Variants in PPFIA2 observed in about 807,000 individuals in gnomAD.
PPFIA2 encodes the protein PPFI scaffold protein A2, also known as liprin-alpha-2.
Under a neutral mutation model 175.5 loss-of-function variants are expected in PPFIA2, and 46 were observed. The ratio of observed to expected loss-of-function variants is 0.26; its 90% CI spans 0.21 to 0.34. PPFIA2 has a LOEUF of 0.34. Ranked by LOEUF, PPFIA2 falls within the 10% of genes least tolerant of loss-of-function variation. The pLI, the probability that PPFIA2 is intolerant of heterozygous loss-of-function variation, is 1.00. For missense variants in PPFIA2, 1,179 were observed against 1,506.1 expected, an observed-to-expected ratio of 0.78 and a Z score of 3.60; for synonymous variants, 568 against 511.4, an observed-to-expected ratio of 1.11 and a Z score of -1.49.
intron 28 of PPFIA2, among the ~76,000 whole-genome samples, chr12:81,276,709 AGT>A (rs1220742360): frequency 6.6e-6 from 1 of 152,164 alleles, no homozygotes; most frequent in Non-Finnish European, 1.5e-5. Flanking sequence ...TGCAATATGG[AGT>A]GTCTTTTCTT....
intron 29 of PPFIA2, chr12:81,267,296 G>T (rs758659818): frequency 6.3e-6 from 3 of 474,018 alleles, no homozygotes; most frequent in African/African-American, 2.0e-5. Context: ...TTTCAATTGA[G>T]TATTTTGTTT....
intron 15 of PPFIA2, 72 bp from the exon 16 acceptor site, chr12:81,358,289 T>C (rs2061145084): frequency 1.5e-6 from 2 of 1,367,852 alleles, no homozygotes; most frequent in Non-Finnish European, 2.0e-6. Context: ...CTATCTGCTG[T>C]TTTACTGGCA....
At chr12:81,275,158 T>C (rs1734998529) in intron 28 of PPFIA2, among the ~76,000 whole-genome samples, 1 of 152,214 alleles carries the variant, frequency 6.6e-6, no homozygotes, top group East Asian at 1.9e-4. Context: ...CCATCTTTGG[T>C]CCATTAATTC....
chr12:81,451,894 A>G (rs185339266), intron 5 of PPFIA2, among the ~76,000 whole-genome samples: 105 of 152,324 alleles, frequency 6.9e-4, no homozygotes, highest in Non-Finnish European at 1.2e-3. Flanking sequence ...AGATACCATT[A>G]ACAATCTACT....
intron 7 of PPFIA2, among the ~76,000 whole-genome samples, chr12:81,416,454 A>G (rs1442754278): frequency 6.6e-6 from 1 of 151,636 alleles, no homozygotes; most frequent in African/African-American, 2.4e-5. Context: ...AATTGCGTTA[A>G]AAGTTTTGAA....
At chr12:81,441,122 ATAGAT>A (rs2050103463) in intron 6 of PPFIA2, among the ~76,000 whole-genome samples, 1 of 151,650 alleles carries the variant, frequency 6.6e-6, no homozygotes, top group Admixed American at 6.6e-5. Flanking sequence ...AACTGGGAAT[ATAGAT>A]TAAATTTATA....
chr12:81,313,603 C>T (rs149605797), intron 22 of PPFIA2, among the ~76,000 whole-genome samples: 61 of 152,158 alleles, frequency 4.0e-4, no homozygotes, highest in African/African-American at 1.4e-3. Context: ...ATCATACACC[C>T]CACAGAAATG....
chr12:81,585,758 C>A (rs1219640164), intron 4 of PPFIA2, among the ~76,000 whole-genome samples: 1 of 151,774 alleles, frequency 6.6e-6, no homozygotes, highest in Non-Finnish European at 1.5e-5. Flanking sequence ...GAAGTACACT[C>A]CAAAATATCA....
chr12:81,587,560 G>C (rs1053881396), intron 4 of PPFIA2, among the ~76,000 whole-genome samples: 1 of 151,808 alleles, frequency 6.6e-6, no homozygotes, highest in Admixed American at 6.6e-5. Context: ...AATAATTCTT[G>C]TTATTTGTAA....
intron 4 of PPFIA2, among the ~76,000 whole-genome samples, chr12:81,538,363 C>T (rs1033315055): frequency 6.6e-5 from 10 of 151,786 alleles, no homozygotes; most frequent in Non-Finnish European, 8.8e-5. Flanking sequence ...AGACAGTATT[C>T]TTAATACATG....
At chr12:81,452,992 TTTTTA>T (rs1320030610) in intron 5 of PPFIA2, among the ~76,000 whole-genome samples, 2 of 146,460 alleles carry the variant, frequency 1.4e-5, no homozygotes, top group Non-Finnish European at 3.0e-5. Flanking sequence ...TTTTTCTTTT[TTTTTA>T]ATTTTTTTTT....
intron 4 of PPFIA2, among the ~76,000 whole-genome samples, chr12:81,507,980 A>T (rs573126180): frequency 6.6e-4 from 100 of 152,264 alleles, no homozygotes; most frequent in African/African-American, 2.2e-3. Flanking sequence ...TTAGTATTAG[A>T]CATTTAAAAA....
intron 4 of PPFIA2, among the ~76,000 whole-genome samples, chr12:81,608,484 C>A (rs897480126): frequency 6.6e-6 from 1 of 152,002 alleles, no homozygotes; most frequent in Non-Finnish European, 1.5e-5. Context: ...TGTTATGGGT[C>A]TTTTCAGGGT....
intron 3 of PPFIA2, among the ~76,000 whole-genome samples, chr12:81,733,458 T>A (rs2153643656): frequency 6.6e-6 from 1 of 151,740 alleles, no homozygotes; most frequent in Non-Finnish European, 1.5e-5. Context: ...AGGGTAGATC[T>A]CATGTTAAGT....
At chr12:81,536,851 T>A (rs1476459191) in intron 4 of PPFIA2, among the ~76,000 whole-genome samples, 1 of 149,530 alleles carries the variant, frequency 6.7e-6, no homozygotes, top group Non-Finnish European at 1.5e-5. Context: ...ATGAAGAATT[T>A]TTTTTTTTTA....
Position 81,663,977 on chromosome 12 carries a change from A to C in PPFIA2, c.303+12814T>G, listed in dbSNP as rs552048185. On this transcript the variant is annotated intron_variant, in intron 4 of 32. Transcript: ENST00000549396. The stretch of plus-strand genomic sequence containing the variant: ...TTAATAAATGGTGCTGGGAAAGCTG[A>C]CTAACCATACTTAGAAAGCTGAAAC... Among the ~76,000 whole-genome samples the C allele has an allele frequency of 2.6e-5, 4 of 152,250 alleles. No individual in the cohort carries two copies. The South Asian group carries it at 8.3e-4, about 32-fold the overall frequency.
intron 4 of PPFIA2, among the ~76,000 whole-genome samples, chr12:81,600,378 A>G (rs1028027845): frequency 1.3e-5 from 2 of 151,898 alleles, no homozygotes; most frequent in African/African-American, 4.8e-5. Flanking sequence ...GTCCCTTGAC[A>G]TGCTCCCATC....
At position 81,315,273 on chromosome 12, in the gene PPFIA2, CT is replaced by C. The variant is rs765872078; in HGVS notation, c.2642+10503del. ...CACAATGAAACTATTTCTAATTTCT[CT>C]GCTGTAATTTTCTCCAACAGCACAG... On this transcript the variant is annotated intron_variant, in intron 22 of 32. Transcript: ENST00000549396. Among the ~76,000 whole-genome samples, 16 of 151,960 alleles carry C rather than the reference CT, an allele frequency of 1.1e-4. No homozygotes were observed. In the East Asian group the frequency reaches 3.1e-3, roughly 29 times the overall value.
At chr12:81,560,301 A>G (rs2153389750) in intron 4 of PPFIA2, among the ~76,000 whole-genome samples, 1 of 151,974 alleles carries the variant, frequency 6.6e-6, no homozygotes, top group African/African-American at 2.4e-5. Context: ...AGAGAGAGAG[A>G]CAGAGAGAAC....
Sources: gnomAD v4.1 joint callset for allele counts (sites outside exome capture counted in the v4.1 genomes callset) on GRCh38, gnomAD v4.1.1 for gene constraint, MANE v1.5 for transcripts, NCBI Gene and HGNC (gene_info 2026-07-23, HGNC 2026-07-21) for gene names.